Variants in RXFP1 observed in about 807,000 individuals in gnomAD.
The protein encoded by RXFP1 is relaxin family peptide receptor 1, also known as relaxin receptor 1.
Under a neutral mutation model 89.8 loss-of-function variants are expected in RXFP1, and 73 were observed. That is an observed-to-expected ratio of 0.81 (90% CI 0.67 to 0.99). The LOEUF (loss-of-function observed/expected upper bound fraction) is 0.99, where lower values mean the gene tolerates loss of function less well. RXFP1 is among the 50% of genes least tolerant of loss of function. The pLI is 0.00. For missense variants in RXFP1, 793 were observed against 895.5 expected (o/e 0.89, Z 1.46); for synonymous variants, 277 against 305.5 (o/e 0.91, Z 0.97).
intron 14 of RXFP1, among the ~76,000 whole-genome samples, chr4:158,643,059 G>A (rs1310673418): frequency 4.6e-5 from 7 of 152,240 alleles, no homozygotes; most frequent in African/African-American, 1.4e-4. Flanking sequence ...TTATGCAGAT[G>A]GGTTCTCTAC....
intron 2 of RXFP1, among the ~76,000 whole-genome samples, chr4:158,582,654 A>G (rs1757601376): frequency 6.6e-6 from 1 of 152,170 alleles, no homozygotes; most frequent in Admixed American, 6.5e-5. Flanking sequence ...CCTTATGGCC[A>G]TTTCTCCTCT....
intron 1 of RXFP1, among the ~76,000 whole-genome samples, chr4:158,553,164 G>C (rs1750545481): frequency 6.6e-6 from 1 of 152,052 alleles, no homozygotes; most frequent in Non-Finnish European, 1.5e-5. Flanking sequence ...ACTCCAGCCT[G>C]GACAATAGAG....
intron 11 of RXFP1, among the ~76,000 whole-genome samples, chr4:158,630,041 A>G (rs1767729910): frequency 6.6e-6 from 1 of 152,206 alleles, no homozygotes; most frequent in Admixed American, 6.5e-5. Flanking sequence ...ATACAATTAG[A>G]ATGTTATGAA....
In RXFP1 at chr4:158,644,928, T is replaced by C; in HGVS notation, c.1135T>C (p.Tyr379His). The change falls in exon 15 of 18, where the codon TAC becomes CAC. Residue 379 changes from tyrosine to histidine, a missense_variant. By Grantham distance (83) the Tyr-to-His change is moderately conservative. Transcript: ENST00000307765. ...LSHIYFKKFQ[Y>H]CGYAPHVRSC... is the part of the protein sequence containing the mutation. ...CACCAGATATTTTAAGAAATTCCAGTACTGTGGGTATGCACCACATGTTCG... is the reference window on the plus strand; with the variant it reads ...CACCAGATATTTTAAGAAATTCCAGCACTGTGGGTATGCACCACATGTTCG... 2 of 1,613,308 alleles carry C rather than the reference T, an allele frequency of 1.2e-6. No individual in the cohort carries two copies. Among genetic ancestry groups the C allele is most frequent in the Non-Finnish European group, 1.7e-6 (2 of 1,179,332 alleles).
At chr4:158,585,500 A>G (rs1166101562) in intron 2 of RXFP1, among the ~76,000 whole-genome samples, 3 of 152,176 alleles carry the variant, frequency 2.0e-5, no homozygotes, top group Non-Finnish European at 2.9e-5. Flanking sequence ...CTTCTCCAGA[A>G]TTCAAATTGG....
Position 158,572,777 on chromosome 4 carries a change from G to T in RXFP1, c.129G>T (p.Gln43His). The T allele has an allele frequency of 6.2e-7, 1 of 1,614,178 alleles. No homozygotes were observed. Among genetic ancestry groups the T allele is most frequent in the Non-Finnish European group, 8.5e-7 (1 of 1,180,034 alleles). ...PCGNITKCLP[Q>H]LLHCNGVDDC... Reference sequence around the variant, plus strand: ...GGAACATCACAAAGTGCTTGCCTCAGCTCCTGCACTGTAACGGTGTGGACG... The same window carrying T: ...GGAACATCACAAAGTGCTTGCCTCATCTCCTGCACTGTAACGGTGTGGACG... The change falls in exon 2 of 18, where the codon CAG becomes CAT. Residue 43 changes from glutamine (Q) to histidine (H), a missense_variant. Gln to His is a conservative substitution (Grantham distance 24, BLOSUM62 0). Transcript: ENST00000307765.
intron 5 of RXFP1, among the ~76,000 whole-genome samples, chr4:158,607,501 CT>C (rs1762740240): frequency 6.6e-6 from 1 of 152,222 alleles, no homozygotes. Context: ...TTGGCTAGCA[CT>C]GTGTTGAGCA....
chr4:158,524,290 T>G (rs1224314020), intron 1 of RXFP1, among the ~76,000 whole-genome samples: 1 of 152,184 alleles, frequency 6.6e-6, no homozygotes, highest in Non-Finnish European at 1.5e-5. Flanking sequence ...AGCCATAATG[T>G]GTATAAATGG....
chr4:158,563,529 CACACACA>C (rs1752920986), intron 1 of RXFP1, among the ~76,000 whole-genome samples: 1 of 151,366 alleles, frequency 6.6e-6, no homozygotes, highest in Non-Finnish European at 1.5e-5. Flanking sequence ...CACACACACA[CACACACA>C]CCCCAACAGG....
chr4:158,534,329 C>A (rs1227751607), intron 1 of RXFP1, among the ~76,000 whole-genome samples: 1 of 151,244 alleles, frequency 6.6e-6, no homozygotes, highest in Non-Finnish European at 1.5e-5. Flanking sequence ...CTCATTGCAA[C>A]CTCCACCTCC....
rs569440164 is a variant in RXFP1 at position 158,609,970 on chromosome 4, A to G, written c.536+1927A>G. On this transcript the variant is annotated intron_variant, in intron 6 of 17. Transcript: ENST00000307765. ...TTTCTATAGTGCTGGAGTGTTGTTG[A>G]GTGTTAAAGATGCCACATATTTCTA... 6.6e-5 allele frequency among the ~76,000 whole-genome samples: 10 copies of G among 152,250 alleles called. No homozygotes were observed. The South Asian group carries it at 2.1e-3, about 32-fold the overall frequency.
At chr4:158,543,051 C>T (rs1747216630) in intron 1 of RXFP1, among the ~76,000 whole-genome samples, 1 of 152,022 alleles carries the variant, frequency 6.6e-6, no homozygotes, top group Non-Finnish European at 1.5e-5. Context: ...TGAAAACAAA[C>T]CCCCATGACA....
chr4:158,606,458 A>G (rs979534041), intron 5 of RXFP1, among the ~76,000 whole-genome samples: 3 of 152,220 alleles, frequency 2.0e-5, no homozygotes, highest in African/African-American at 7.2e-5. Context: ...TTAGACCTCC[A>G]GGCAATGCAG....
chr4:158,528,487 A>G (rs957073254), intron 1 of RXFP1, among the ~76,000 whole-genome samples: 6 of 152,210 alleles, frequency 3.9e-5, no homozygotes, highest in Admixed American at 3.3e-4. Context: ...CCTAGGCAAC[A>G]GAGCAAGACC....
chr4:158,612,505 T>G, intron 8 of RXFP1, 143 bp downstream of exon 8: 1 of 585,630 alleles, frequency 1.7e-6, no homozygotes, highest in Non-Finnish European at 3.0e-6. Context: ...TTAATCATAT[T>G]CTATAAGGCT....
rs755859184 is a variant in RXFP1, at chr4:158,628,649, A to G, written c.839A>G (p.Lys280Arg). 3.9e-6 allele frequency: 6 copies of G among 1,554,248 alleles called. No homozygotes were observed. Among genetic ancestry groups the G allele is most frequent in the Non-Finnish European group, 5.3e-6 (6 of 1,130,542 alleles). Reference sequence around the variant, plus strand: ...CTTTTTACTTTCAGAGTGATGAGGAAAAACAAAATTAATCACTTAAATGAA... The same window carrying G: ...CTTTTTACTTTCAGAGTGATGAGGAGAAACAAAATTAATCACTTAAATGAA... ...CSNLTVLVMR[K>R]NKINHLNENT... Residue 280 changes from lysine (K) to arginine (R), a missense_variant, in exon 11 of 18, where the codon AAA becomes AGA. Lys to Arg is a conservative substitution (Grantham distance 26, BLOSUM62 2). Transcript: ENST00000307765.
chr4:158,582,520 C>T (rs1293835338), intron 2 of RXFP1, among the ~76,000 whole-genome samples: 2 of 152,200 alleles, frequency 1.3e-5, no homozygotes, highest in African/African-American at 4.8e-5. Context: ...GGCTCTTTCA[C>T]ATCCAGTGCC....
chr4:158,636,307 TATATG>T (rs1299334139), intron 12 of RXFP1, among the ~76,000 whole-genome samples: 1 of 152,232 alleles, frequency 6.6e-6, no homozygotes, highest in Non-Finnish European at 1.5e-5. Context: ...TATTGTAAAA[TATATG>T]ATATATTATT....
intron 8 of RXFP1, among the ~76,000 whole-genome samples, chr4:158,614,376 T>C (rs571603969): frequency 3.3e-5 from 5 of 152,222 alleles, no homozygotes; most frequent in Non-Finnish European, 7.3e-5. Flanking sequence ...TAGAAGGTTG[T>C]TTCATCTACA....
Sources: allele counts gnomAD v4.1 joint callset (sites outside exome capture counted in the v4.1 genomes callset), GRCh38; gene constraint gnomAD v4.1.1; transcripts MANE v1.5; gene names NCBI Gene and HGNC (gene_info 2026-07-23, HGNC 2026-07-21).